The following CDC73 variants were observed in gnomAD, a reference collection of about 807,000 sequenced individuals.
The protein encoded by CDC73 is parafibromin.
CDC73 carries 21 observed loss-of-function variants against 83.7 expected under a neutral mutation model. The ratio of observed to expected loss-of-function variants is 0.25; its 90% CI spans 0.18 to 0.36. The LOEUF is 0.36. Among genes scored for constraint, CDC73 ranks in the 10% least tolerant of loss-of-function variants. The probability of loss-of-function intolerance (pLI) is 1.00; values close to 1 mark genes in which losing one functional copy is unlikely to be tolerated. For synonymous variants in CDC73, 224 were observed against 212.9 expected, an observed-to-expected ratio of 1.05 and a Z score of -0.45; for missense variants, 342 against 653.3, an observed-to-expected ratio of 0.52 and a Z score of 5.19.
chr1:193,228,961 A>G lies in CDC73; in HGVS notation c.1155-4032A>G, dbSNP rs149404029. 4.4e-3 allele frequency among the ~76,000 whole-genome samples: 663 copies of G among 152,292 alleles called. 7 individuals are homozygous for G. The highest frequency in any genetic ancestry group is 0.022 in the Admixed American group (344 of 15,308). ...TATTAAAAATAAGCAAGAGATGTTG[A>G]CACTCCACAAAACAAGGTATACAAA... On this transcript the variant is annotated intron_variant, in intron 13 of 16. Coordinates refer to ENST00000367435, the MANE Select transcript of CDC73 (RefSeq NM_024529.5).
chr1:193,197,845 G>C (rs1392947751), intron 10 of CDC73, among the ~76,000 whole-genome samples: 1 of 149,212 alleles, frequency 6.7e-6, no homozygotes, highest in Non-Finnish European at 1.5e-5. Flanking sequence ...AGAATCGCTT[G>C]AACTGGGAGG....
At position 193,252,438 on chromosome 1, in the gene CDC73, T is replaced by C. The variant is rs1199686672; in HGVS notation, c.*1726T>C. ...AAGACTACTACAAGTCAGTATGAAC[T>C]ACCTTCCCATAAAGATTTTTGGTAT... On this transcript the variant is annotated 3_prime_UTR_variant, in exon 17 of 17. Transcript: ENST00000367435. 8.7e-6 allele frequency: 2 copies of C among 229,902 alleles called. No homozygotes were observed. Among genetic ancestry groups the C allele is most frequent in the African/African-American group, 4.4e-5 (2 of 45,202 alleles). The allele number at this position is 229,902 out of a possible 1,614,324, so 14.2% of individuals were successfully genotyped here.
chr1:193,176,406 C>G (rs1190657782), intron 10 of CDC73, among the ~76,000 whole-genome samples: 1 of 152,214 alleles, frequency 6.6e-6, no homozygotes, highest in East Asian at 1.9e-4. Context: ...AGCATGTCCT[C>G]TTTAGGAGAA....
At chr1:193,249,892 T>C (rs780674481) in intron 16 of CDC73, 21 bp downstream of exon 16, 4 of 1,609,320 alleles carry the variant, frequency 2.5e-6, no homozygotes, top group Non-Finnish European at 3.4e-6. Context: ...TTCTAAAATA[T>C]GCTTGTGTGT....
chr1:193,207,180 G>A (rs1677201817), intron 11 of CDC73, among the ~76,000 whole-genome samples: 1 of 152,060 alleles, frequency 6.6e-6, no homozygotes. Context: ...TTTTTATTAG[G>A]GATTTTAAAA....
intron 14 of CDC73, among the ~76,000 whole-genome samples, chr1:193,234,577 A>G (rs1677726233): frequency 1.3e-5 from 2 of 151,984 alleles, no homozygotes; most frequent in South Asian, 4.1e-4. Context: ...GTCTCCAGCC[A>G]TTGAAGCCTC....
intron 5 of CDC73, among the ~76,000 whole-genome samples, chr1:193,135,879 T>TTTA (rs1172465032): frequency 2.2e-4 from 33 of 150,854 alleles, no homozygotes; most frequent in African/African-American, 6.8e-4. Flanking sequence ...TTTTTTTTTT[T>TTTA]TTTTTTTGAG....
intron 10 of CDC73, among the ~76,000 whole-genome samples, chr1:193,162,286 ATG>A (rs1491234013): frequency 5.4e-5 from 7 of 128,606 alleles, no homozygotes; most frequent in South Asian, 4.4e-4. Context: ...TATAGTATAT[ATG>A]ATATATTATA....
chr1:193,179,642 A>T (rs1676676286), intron 10 of CDC73: 1 of 152,598 alleles, frequency 6.6e-6, no homozygotes, highest in Non-Finnish European at 1.5e-5. Flanking sequence ...TTACCACGTC[A>T]TGTCAAAATA....
At chr1:193,141,025 A>G (rs1290066736) in intron 6 of CDC73, 2 of 152,312 alleles carry the variant, frequency 1.3e-5, no homozygotes, top group Admixed American at 6.5e-5. Context: ...AGAATACTGT[A>G]TAATACTACT....
chr1:193,231,465 G>C (rs1300787399), intron 13 of CDC73, among the ~76,000 whole-genome samples: 1 of 152,074 alleles, frequency 6.6e-6, no homozygotes, highest in Non-Finnish European at 1.5e-5. Context: ...CATTTTTGTT[G>C]TGGCTTTTTA....
chr1:193,160,621 C>CA (rs1267487793), intron 10 of CDC73, among the ~76,000 whole-genome samples: 4 of 151,984 alleles, frequency 2.6e-5, no homozygotes, highest in Non-Finnish European at 2.9e-5. Flanking sequence ...AAATTATTGT[C>CA]AGTGTTAAAC....
intron 5 of CDC73, 116 bp from the exon 6 acceptor site, chr1:193,137,969 C>T: frequency 7.7e-6 from 6 of 778,266 alleles, no homozygotes; most frequent in Non-Finnish European, 7.0e-6. Flanking sequence ...CCTAAAGACA[C>T]TGATACCTAG....
Position 193,250,789 on chromosome 1 carries a change from T to C in CDC73, c.*77T>C. 2 of 1,255,388 alleles carry C rather than the reference T, an allele frequency of 1.6e-6. No homozygotes were observed. Among genetic ancestry groups the C allele is most frequent in the South Asian group, 2.4e-5 (2 of 82,710 alleles). The allele number at this position is 1,255,388 out of a possible 1,614,324, so 77.8% of individuals were successfully genotyped here. A position where few individuals can be genotyped will look rare whatever the true frequency, so the allele number is the denominator to read the frequency against. ...ATCAAGAACTTAAAAATGAAGAAGG[T>C]CACAGATTGATCTTTTATAAGACCT... On this transcript the variant is annotated 3_prime_UTR_variant, in exon 17 of 17. Coordinates refer to ENST00000367435, the MANE Select transcript of CDC73 (RefSeq NM_024529.5).
intron 9 of CDC73, 32 bp downstream of exon 9, chr1:193,150,414 T>G (rs1676085115): frequency 1.4e-6 from 2 of 1,456,656 alleles, no homozygotes; most frequent in Non-Finnish European, 1.9e-6. Context: ...TTCCCCTTAG[T>G]GTGGTTGTGT....
chr1:193,181,539 G>A (rs755273250), intron 10 of CDC73: 2 of 1,601,910 alleles, frequency 1.2e-6, no homozygotes, highest in East Asian at 4.5e-5. Context: ...CAAAGCAGCA[G>A]TGTCTTCTCC....
intron 7 of CDC73, among the ~76,000 whole-genome samples, chr1:193,145,119 T>C (rs1675974211): frequency 6.6e-6 from 1 of 152,218 alleles, no homozygotes; most frequent in Admixed American, 6.5e-5. Context: ...CATAATTCAG[T>C]GATTGATATT....
intron 10 of CDC73, among the ~76,000 whole-genome samples, chr1:193,160,292 T>A (rs1676286691): frequency 6.6e-6 from 1 of 152,110 alleles, no homozygotes; most frequent in Admixed American, 6.6e-5. Flanking sequence ...TATATCAGAG[T>A]AATCTTGAAA....
intron 10 of CDC73, among the ~76,000 whole-genome samples, chr1:193,186,847 CTTT>C (rs1476624706): frequency 2.0e-5 from 3 of 151,904 alleles, no homozygotes; most frequent in African/African-American, 7.3e-5. Context: ...AGCTTACTTC[CTTT>C]TTTAACTTTA....
Sources: gnomAD v4.1 joint callset for allele counts (sites outside exome capture counted in the v4.1 genomes callset) on GRCh38, gnomAD v4.1.1 for gene constraint, MANE v1.5 for transcripts, NCBI Gene and HGNC (gene_info 2026-07-23, HGNC 2026-07-21) for gene names.